Variants in CNBD1 observed in about 807,000 individuals in gnomAD.
The protein encoded by CNBD1 is cyclic nucleotide-binding domain-containing protein 1.
Under a neutral mutation model 54.4 loss-of-function variants are expected in CNBD1, and 71 were observed. The observed-to-expected ratio is 1.30, with a 90% CI of 1.08 to 1.59. The LOEUF is 1.59. Among genes scored for constraint, CNBD1 ranks in the 40% most tolerant of loss-of-function variants. The pLI is 0.00. For synonymous variants in CNBD1, 182 were observed against 170.7 expected, an observed-to-expected ratio of 1.07 and a Z score of -0.51; for missense variants, 659 against 518.0, an observed-to-expected ratio of 1.27 and a Z score of -2.64.
At chr8:87,011,381 T>C (rs1278572596) in intron 4 of CNBD1, among the ~76,000 whole-genome samples, 1 of 152,182 alleles carries the variant, frequency 6.6e-6, no homozygotes, top group African/African-American at 2.4e-5. Context: ...TCTGTTAGTT[T>C]CCACTTGGCA....
intron 1 of CNBD1, among the ~76,000 whole-genome samples, chr8:86,885,066 C>T (rs2131784182): frequency 6.6e-6 from 1 of 152,284 alleles, no homozygotes; most frequent in Non-Finnish European, 1.5e-5. Context: ...TATTCTATTG[C>T]TTCCTCTTAG....
At chr8:87,417,959 G>C (rs764165643) in intron 2 of CNBD1, among the ~76,000 whole-genome samples, 2 of 151,914 alleles carry the variant, frequency 1.3e-5, no homozygotes, top group African/African-American at 2.4e-5. Flanking sequence ...ATTTACTATT[G>C]TTAAGATGGC....
intron 8 of CNBD1, among the ~76,000 whole-genome samples, chr8:87,337,519 C>A (rs1224442219): frequency 6.6e-6 from 1 of 152,216 alleles, no homozygotes. Context: ...CCATTCCCTC[C>A]CCCTGGCTTA....
At chr8:87,173,510 G>A (rs1389687433) in intron 4 of CNBD1, among the ~76,000 whole-genome samples, 3 of 152,102 alleles carry the variant, frequency 2.0e-5, no homozygotes, top group Non-Finnish European at 2.9e-5. Flanking sequence ...GCGTGAGAAA[G>A]TCTTTATTTC....
intron 4 of CNBD1, among the ~76,000 whole-genome samples, chr8:87,190,491 G>A (rs1813578366): frequency 6.6e-6 from 1 of 151,502 alleles, no homozygotes; most frequent in African/African-American, 2.4e-5. Flanking sequence ...ATTCTTTTTT[G>A]TCCATTACTA....
At chr8:87,086,307 A>G (rs1027994833) in intron 4 of CNBD1, among the ~76,000 whole-genome samples, 2 of 152,172 alleles carry the variant, frequency 1.3e-5, no homozygotes, top group African/African-American at 4.8e-5. Flanking sequence ...CTGTCCTTGG[A>G]GACACCTGAC....
intron 4 of CNBD1, among the ~76,000 whole-genome samples, chr8:87,099,801 G>T (rs1811393050): frequency 6.6e-6 from 1 of 152,162 alleles, no homozygotes; most frequent in Non-Finnish European, 1.5e-5. Context: ...CTTAAGTGGA[G>T]AATTTAAATA....
intron 8 of CNBD1, among the ~76,000 whole-genome samples, chr8:87,343,712 A>C (rs1810114178): frequency 6.6e-6 from 1 of 152,190 alleles, no homozygotes; most frequent in Non-Finnish European, 1.5e-5. Context: ...TATTTCTATC[A>C]GTAATCATTT....
At chr8:87,224,706 G>A (rs1369515374) in intron 5 of CNBD1, among the ~76,000 whole-genome samples, 1 of 151,602 alleles carries the variant, frequency 6.6e-6, no homozygotes, top group Non-Finnish European at 1.5e-5. Context: ...TTTTGGCTCA[G>A]GATTGACTTG....
At chr8:87,302,592 C>G (rs1678526614) in intron 8 of CNBD1, among the ~76,000 whole-genome samples, 1 of 151,992 alleles carries the variant, frequency 6.6e-6, no homozygotes, top group South Asian at 2.1e-4. Context: ...GGGATGCCCT[C>G]TCTCACCACT....
chr8:86,981,767 T>A (rs1266583465), intron 4 of CNBD1, among the ~76,000 whole-genome samples: 1 of 152,224 alleles, frequency 6.6e-6, no homozygotes, highest in African/African-American at 2.4e-5. Context: ...TAGCATTCCA[T>A]AGTATGGATA....
chr8:86,998,208 T>C (rs76461662), intron 4 of CNBD1, among the ~76,000 whole-genome samples: 5,115 of 149,544 alleles, frequency 0.034, 284 homozygotes, highest in African/African-American at 0.12. Flanking sequence ...TGTGTGTTTC[T>C]GTTTTTTTTT....
chr8:87,311,940 A>G (rs977069239), intron 8 of CNBD1, among the ~76,000 whole-genome samples: 1 of 152,016 alleles, frequency 6.6e-6, no homozygotes, highest in Non-Finnish European at 1.5e-5. Flanking sequence ...AATGGGGACT[A>G]CCAGAGTGGG....
chr8:87,305,649 G>A (rs1809125752), intron 8 of CNBD1, among the ~76,000 whole-genome samples: 1 of 152,008 alleles, frequency 6.6e-6, no homozygotes, highest in African/African-American at 2.4e-5. Flanking sequence ...AAAACATAAA[G>A]TAGGGAAAGG....
At chr8:87,106,384 G>T (rs1483629377) in intron 4 of CNBD1, among the ~76,000 whole-genome samples, 2 of 151,844 alleles carry the variant, frequency 1.3e-5, no homozygotes, top group African/African-American at 2.4e-5. Flanking sequence ...GCTAATTTTT[G>T]TATTTTTGTA....
intron 2 of CNBD1, among the ~76,000 whole-genome samples, chr8:87,395,453 T>C (rs1369400680): frequency 1.3e-5 from 2 of 151,970 alleles, no homozygotes; most frequent in Non-Finnish European, 2.9e-5. Flanking sequence ...TGTATTCATT[T>C]TCTAATATGT....
intron 2 of CNBD1, among the ~76,000 whole-genome samples, chr8:87,412,830 G>A (rs959303428): frequency 2.6e-5 from 4 of 152,176 alleles, no homozygotes; most frequent in Non-Finnish European, 1.5e-5. Flanking sequence ...AGGCAGTGAT[G>A]TAAATGATTA....
At chr8:87,030,149 T>C (rs1378422896) in intron 4 of CNBD1, among the ~76,000 whole-genome samples, 1 of 152,238 alleles carries the variant, frequency 6.6e-6, no homozygotes, top group Non-Finnish European at 1.5e-5. Context: ...GCACTAACTT[T>C]TTTTTAAAGC....
intron 4 of CNBD1, among the ~76,000 whole-genome samples, chr8:87,064,020 T>G (rs1464805384): frequency 1.3e-5 from 2 of 152,032 alleles, no homozygotes; most frequent in Admixed American, 6.6e-5. Flanking sequence ...GTTTCTCTTA[T>G]ATACAATCAT....
Sources: allele counts gnomAD v4.1 joint callset (sites outside exome capture counted in the v4.1 genomes callset), GRCh38; gene constraint gnomAD v4.1.1; transcripts MANE v1.5; gene names NCBI Gene and HGNC (gene_info 2026-07-23, HGNC 2026-07-21).